The following PTPRK variants were observed in gnomAD, a reference collection of about 807,000 sequenced individuals.
PTPRK encodes the protein receptor-type tyrosine-protein phosphatase kappa.
PTPRK carries 75 observed loss-of-function variants against 178.0 expected under a neutral mutation model. That is an observed-to-expected ratio of 0.42 (90% CI 0.35 to 0.51). The LOEUF is 0.51. PTPRK is among the 20% of genes least tolerant of loss of function. The pLI is 0.02. For missense variants in PTPRK, 1,441 were observed against 1,797.8 expected, an observed-to-expected ratio of 0.80 and a Z score of 3.59; for synonymous variants, 637 against 620.6, an observed-to-expected ratio of 1.03 and a Z score of -0.39.
At chr6:127,996,226 G>T (rs536041917) in intron 17 of PTPRK, among the ~76,000 whole-genome samples, 1 of 152,176 alleles carries the variant, frequency 6.6e-6, no homozygotes, top group African/African-American at 2.4e-5. Context: ...TTAAAGGCAC[G>T]TGGAAAGAAT....
rs1858874671 is a variant in PTPRK at position 128,520,369 on chromosome 6, G to A, written c.-11C>T. The A allele has an allele frequency of 1.3e-6, 2 of 1,598,808 alleles. No individual in the cohort carries two copies. Among genetic ancestry groups the A allele is most frequent in the African/African-American group, 2.7e-5 (2 of 74,572 alleles). On this transcript the variant is annotated 5_prime_UTR_variant, in exon 1 of 30. Coordinates refer to ENST00000368226, the MANE Select transcript of PTPRK (RefSeq NM_002844.4). ...CGCAGTCGTATCCATGCCGAGTTTGGGAGAAGTTTCAAGCAGCTTTGCAAA... is the reference window on the plus strand; with the variant it reads ...CGCAGTCGTATCCATGCCGAGTTTGAGAGAAGTTTCAAGCAGCTTTGCAAA...
At chr6:128,498,406 G>A in intron 1 of PTPRK, among the ~76,000 whole-genome samples, 1 of 152,170 alleles carries the variant, frequency 6.6e-6, no homozygotes, top group South Asian at 2.1e-4. Flanking sequence ...AACCCATGGG[G>A]GAGACGTTTA....
At chr6:128,151,256 T>C (rs1797205445) in intron 7 of PTPRK, among the ~76,000 whole-genome samples, 1 of 152,052 alleles carries the variant, frequency 6.6e-6, no homozygotes, top group African/African-American at 2.4e-5. Context: ...AGTAATGTAC[T>C]TGGAACTATA....
rs752772133 is a variant in PTPRK, at chr6:128,283,635, G to A, written c.495+38404C>T. ...ATTTTCAGATACAAGTATACAGACC[G>A]AAAAATAATATAAATAGAAGCAATG... On this transcript the variant is annotated intron_variant, in intron 3 of 29. Transcript: ENST00000368226. 1.1e-4 allele frequency among the ~76,000 whole-genome samples: 17 copies of A among 152,072 alleles called. No homozygotes were observed. The East Asian group carries it at 1.2e-3, about 10-fold the overall frequency.
chr6:128,260,184 T>A lies in PTPRK; in HGVS notation c.496-17582A>T, dbSNP rs557326055. ...ATGACATGGCTTCCTAAAATATATT[T>A]TTTTTTATTCTATTTTTTAAAAGAT... On this transcript the variant is annotated intron_variant, in intron 3 of 29. Coordinates refer to ENST00000368226, the MANE Select transcript of PTPRK (RefSeq NM_002844.4). Among the ~76,000 whole-genome samples the A allele has an allele frequency of 6.0e-3, 910 of 152,220 alleles. 9 individuals carry two copies. Among genetic ancestry groups the A allele is most frequent in the African/African-American group, 0.021 (862 of 41,528 alleles).
At chr6:127,994,465 T>A (rs1776924872) in intron 18 of PTPRK, among the ~76,000 whole-genome samples, 1 of 151,790 alleles carries the variant, frequency 6.6e-6, no homozygotes, top group Non-Finnish European at 1.5e-5. Flanking sequence ...ATTACTTCAT[T>A]GAATTCTCAC....
At chr6:128,095,526 C>T (rs1031884076) in intron 7 of PTPRK, among the ~76,000 whole-genome samples, 2 of 151,982 alleles carry the variant, frequency 1.3e-5, no homozygotes, top group African/African-American at 4.8e-5. Context: ...GTTCATTGGC[C>T]CAACCAGAAA....
intron 7 of PTPRK, among the ~76,000 whole-genome samples, chr6:128,113,095 G>C (rs1437306786): frequency 6.6e-6 from 1 of 151,950 alleles, no homozygotes; most frequent in Non-Finnish European, 1.5e-5. Flanking sequence ...TCATCAAGAG[G>C]AATGACATAG....
intron 7 of PTPRK, among the ~76,000 whole-genome samples, chr6:128,158,520 C>T (rs1798257957): frequency 6.6e-6 from 1 of 151,886 alleles, no homozygotes; most frequent in Admixed American, 6.6e-5. Context: ...GAACAAGACA[C>T]ACATTTAATA....
Position 128,327,021 on chromosome 6 carries a change from T to C in PTPRK, c.224-4711A>G, listed in dbSNP as rs868032643. Among the ~76,000 whole-genome samples, 11 of 152,004 alleles carry C rather than the reference T, an allele frequency of 7.2e-5. No individual in the cohort carries two copies. In the Middle Eastern group the frequency reaches 0.01, roughly 144 times the overall value. On this transcript the variant is annotated intron_variant, in intron 2 of 29. Coordinates refer to ENST00000368226, the MANE Select transcript of PTPRK (RefSeq NM_002844.4). ...ATTTCAAAAAACACAATACAAAAAT[T>C]GAGTACTTCTTATTCCAATTCATTA...
At position 128,519,358 on chromosome 6, in the gene PTPRK, A is replaced by G. The variant is rs139421917; in HGVS notation, c.100+901T>C. On this transcript the variant is annotated intron_variant, in intron 1 of 29. Coordinates refer to ENST00000368226, the MANE Select transcript of PTPRK (RefSeq NM_002844.4). The surrounding 1 kb of genome is among the most constrained non-coding windows in gnomAD (Gnocchi z 4.3). Reference sequence around the variant, plus strand: ...CGGACTTCTCTGAGCGGCTTGACCGAGAACCCCCAGGGCTACAGCGAGACG... The same window carrying G: ...CGGACTTCTCTGAGCGGCTTGACCGGGAACCCCCAGGGCTACAGCGAGACG... 7.9e-5 allele frequency among the ~76,000 whole-genome samples: 12 copies of G among 152,332 alleles called. No homozygotes were observed. The highest frequency in any genetic ancestry group is 1.3e-4 in the Admixed American group (2 of 15,300).
chr6:128,354,316 C>CA (rs1311131249), intron 2 of PTPRK, among the ~76,000 whole-genome samples: 1 of 135,960 alleles, frequency 7.4e-6, no homozygotes, highest in Non-Finnish European at 1.5e-5. Flanking sequence ...CGGCTCACTG[C>CA]AAGCTCTGCC....
intron 7 of PTPRK, among the ~76,000 whole-genome samples, chr6:128,174,934 A>T (rs985770279): frequency 2.0e-5 from 3 of 151,910 alleles, no homozygotes; most frequent in Non-Finnish European, 4.4e-5. Flanking sequence ...CTCAACACAG[A>T]AATGCATTCA....
At chr6:128,243,488 T>TAAAAAAAAAAAAAAAAAAAAAAA (rs760606919) in intron 3 of PTPRK, among the ~76,000 whole-genome samples, 2 of 59,138 alleles carry the variant, frequency 3.4e-5, no homozygotes, top group Non-Finnish European at 7.4e-5. Flanking sequence ...AGCCTGTCGC[T>TAAAAAAAAAAAAAAAAAAAAAAA]AAAAAAAAAA....
intron 3 of PTPRK, among the ~76,000 whole-genome samples, chr6:128,285,728 C>T (rs1055699787): frequency 6.6e-6 from 1 of 151,916 alleles, no homozygotes; most frequent in African/African-American, 2.4e-5. Flanking sequence ...TTCCTTGAAC[C>T]CGGGAGGCTT....
chr6:127,986,008 C>A, intron 21 of PTPRK, 133 bp from the exon 22 acceptor site: 5 of 740,994 alleles, frequency 6.7e-6, no homozygotes, highest in Non-Finnish European at 9.5e-6. Flanking sequence ...TATGCCTTTT[C>A]TTAAAAAAAA....
At chr6:128,381,604 T>A (rs1837926093) in intron 2 of PTPRK, among the ~76,000 whole-genome samples, 1 of 152,174 alleles carries the variant, frequency 6.6e-6, no homozygotes. Context: ...TCATTCACCA[T>A]CAGCTACATC....
At position 128,355,383 on chromosome 6, in the gene PTPRK, G is replaced by C. The variant is rs143756614; in HGVS notation, c.224-33073C>G. ...ATACTTAAGATTTGACATTAAGTCA[G>C]TCTTTTAATTTCCCTTACCTTCCTT... On this transcript the variant is annotated intron_variant, in intron 2 of 29. Transcript: ENST00000368226. 4.0e-3 allele frequency among the ~76,000 whole-genome samples: 605 copies of C among 152,280 alleles called. 5 individuals carry two copies. The highest frequency in any genetic ancestry group is 0.013 in the African/African-American group (550 of 41,554).
chr6:128,466,564 G>A (rs1365543706), intron 1 of PTPRK, among the ~76,000 whole-genome samples: 1 of 152,094 alleles, frequency 6.6e-6, no homozygotes, highest in African/African-American at 2.4e-5. Flanking sequence ...AAGACAATTA[G>A]GTTCCTAATA....
Sources: gnomAD v4.1 joint callset for allele counts (sites outside exome capture counted in the v4.1 genomes callset) on GRCh38, gnomAD v4.1.1 for gene constraint, Gnocchi (gnomAD v3.1) non-coding constraint, MANE v1.5 for transcripts, NCBI Gene and HGNC (gene_info 2026-07-23, HGNC 2026-07-21) for gene names.